RASGRF1: variants seen among roughly 807,000 people sequenced by gnomAD.
RASGRF1 encodes the protein ras-specific guanine nucleotide-releasing factor 1.
A neutral mutation model predicts 138.7 loss-of-function variants in RASGRF1; 40 were observed. That is an observed-to-expected ratio of 0.29 (90% CI 0.22 to 0.38). The LOEUF is 0.38. Among genes scored for constraint, RASGRF1 ranks in the 10% least tolerant of loss-of-function variants. The probability of loss-of-function intolerance (pLI) is 1.00; values close to 1 mark genes in which losing one functional copy is unlikely to be tolerated. For missense variants in RASGRF1, 1,108 were observed against 1,650.4 expected, an observed-to-expected ratio of 0.67 and a Z score of 5.69; for synonymous variants, 614 against 663.2, an observed-to-expected ratio of 0.93 and a Z score of 1.14.
At chr15:79,057,524 A>C (rs1294139462) in intron 3 of RASGRF1, among the ~76,000 whole-genome samples, 2 of 152,182 alleles carry the variant, frequency 1.3e-5, no homozygotes, top group African/African-American at 4.8e-5. Context: ...TGGTCCTTGT[A>C]TGATATGGCC....
chr15:79,006,453 T>C lies in RASGRF1; in HGVS notation c.1827-19A>G. On this transcript the variant is annotated intron_variant, in intron 13 of 26. Coordinates refer to ENST00000558480, the MANE Select transcript of RASGRF1 (RefSeq NM_001145648.3). This position sits in a 1 kb window ranked among gnomAD's most constrained non-coding sequence, Gnocchi z 4.0. ...GTCGGACCTGAGAGGGGAGGAAGGA[T>C]GCAGAGGTGATGTGGGTCTAAAGGC... is the stretch of plus-strand genomic sequence containing the variant. 2 of 1,603,952 alleles carry C rather than the reference T, an allele frequency of 1.2e-6. No individual in the cohort carries two copies. The highest frequency in any genetic ancestry group is 1.7e-6 in the Non-Finnish European group (2 of 1,176,886).
rs778241720 is a variant in RASGRF1 at position 78,999,917 on chromosome 15, C to T, written c.2576-4G>A. The T allele has an allele frequency of 6.2e-7, 1 of 1,613,404 alleles. No individual in the cohort carries two copies. The highest frequency in any genetic ancestry group is 8.5e-7 in the Non-Finnish European group (1 of 1,179,376). ...TTATAGGAAAAGAGTGGGAACTCTG[C>T]AGAGAGGAGGGAACCAACCCTCAGC... On this transcript the variant is annotated splice_region_variant and splice_polypyrimidine_tract_variant and intron_variant, in intron 16 of 26. Transcript: ENST00000558480.
intron 20 of RASGRF1, among the ~76,000 whole-genome samples, chr15:78,993,372 A>AGTGTGT (rs144031196): frequency 0.02 from 2,552 of 127,670 alleles, 25 homozygotes; most frequent in Middle Eastern, 0.027. Context: ...TGGTGTGTGT[A>AGTGTGT]GTGTGTGTGT....
At chr15:79,008,054 G>A (rs2056719989) in intron 13 of RASGRF1, among the ~76,000 whole-genome samples, 1 of 151,614 alleles carries the variant, frequency 6.6e-6, no homozygotes, top group Non-Finnish European at 1.5e-5. Flanking sequence ...TGTTGGCCAG[G>A]CTGGTCTCAA....
intron 16 of RASGRF1, 124 bp from the exon 17 acceptor site, chr15:79,000,037 A>T (rs993929901): frequency 2.5e-4 from 261 of 1,036,674 alleles, no homozygotes; most frequent in Non-Finnish European, 3.4e-4. Flanking sequence ...TCAGGGTACC[A>T]GGGCATGTCG....
intron 11 of RASGRF1, among the ~76,000 whole-genome samples, chr15:79,019,228 C>T (rs372299726): frequency 7.2e-5 from 11 of 152,244 alleles, no homozygotes; most frequent in African/African-American, 2.6e-4. Context: ...TGCTGGTGTC[C>T]CCACAGGGCA....
intron 24 of RASGRF1, among the ~76,000 whole-genome samples, chr15:78,977,936 C>T (rs547055635): frequency 6.6e-6 from 1 of 152,104 alleles, no homozygotes; most frequent in South Asian, 2.1e-4. Flanking sequence ...GGGAAGGTTC[C>T]GATTGCTGGG....
At chr15:78,979,516 TGGCGAGTAGCCAGTCA>T (rs1487976330) in intron 24 of RASGRF1, among the ~76,000 whole-genome samples, 4 of 152,214 alleles carry the variant, frequency 2.6e-5, no homozygotes, top group Non-Finnish European at 5.9e-5. Context: ...CTCCAAGGTC[TGGCGAGTAGCCAGTCA>T]GGCGAGGAGA....
intron 14 of RASGRF1, 115 bp from the exon 15 acceptor site, chr15:79,004,290 G>A (rs1015329087): frequency 1.2e-4 from 155 of 1,333,538 alleles, no homozygotes; most frequent in Non-Finnish European, 1.3e-4. Context: ...ATCATTCTTA[G>A]GATCCCTGAA....
intron 13 of RASGRF1, among the ~76,000 whole-genome samples, chr15:79,008,880 G>C (rs1423314912): frequency 6.6e-6 from 1 of 152,160 alleles, no homozygotes; most frequent in Non-Finnish European, 1.5e-5. Flanking sequence ...ATGCTTTGAG[G>C]ACAAAGCAGG....
chr15:79,015,944 G>A (rs1348748228), intron 12 of RASGRF1, among the ~76,000 whole-genome samples: 2 of 152,208 alleles, frequency 1.3e-5, no homozygotes, highest in Non-Finnish European at 2.9e-5. Flanking sequence ...ATGGGTGTGG[G>A]GCCCTGGAGA....
At chr15:78,967,524 G>C (rs1418269963) in intron 26 of RASGRF1, among the ~76,000 whole-genome samples, 8 of 152,228 alleles carry the variant, frequency 5.3e-5, no homozygotes, top group Non-Finnish European at 1.2e-4. Flanking sequence ...ACTCCAGCCT[G>C]GGTGACAGGG....
intron 1 of RASGRF1, among the ~76,000 whole-genome samples, chr15:79,079,790 T>C (rs1166956890): frequency 6.6e-6 from 1 of 152,176 alleles, no homozygotes; most frequent in Non-Finnish European, 1.5e-5. Flanking sequence ...GCATTACCAA[T>C]CCTAAAATTT....
chr15:78,995,717 G>GC, intron 20 of RASGRF1, 23 bp downstream of exon 20: 1 of 1,614,000 alleles, frequency 6.2e-7, no homozygotes, highest in Non-Finnish European at 8.5e-7. Flanking sequence ...GCCTTGGAAA[G>GC]CAAGAGGGCA....
chr15:78,984,882 G>T, intron 23 of RASGRF1, 125 bp downstream of exon 23: 1 of 1,018,020 alleles, frequency 9.8e-7, no homozygotes, highest in African/African-American at 1.6e-5. Context: ...GTTTTACCTG[G>T]GAGTGTTAGA....
chr15:79,032,516 G>A lies in RASGRF1; in HGVS notation c.959-200C>T, dbSNP rs1276947301. On this transcript the variant is annotated intron_variant, in intron 6 of 26. Coordinates refer to ENST00000558480, the MANE Select transcript of RASGRF1 (RefSeq NM_001145648.3). The surrounding 1 kb of genome is among the most constrained non-coding windows in gnomAD (Gnocchi z 4.5). ...CTAGTAGGTGGGCCCCCATCATTGG[G>A]ACCACATTAGAATCACAGACTCTTA... is the stretch of plus-strand genomic sequence containing the variant. 6.6e-6 allele frequency among the ~76,000 whole-genome samples: 1 copy of A among 152,178 alleles called. No homozygotes were observed. Among genetic ancestry groups the A allele is most frequent in the Non-Finnish European group, 1.5e-5 (1 of 68,028 alleles).
At chr15:78,990,385 G>A in intron 21 of RASGRF1, 112 bp from the exon 22 acceptor site, 1 of 717,840 alleles carries the variant, frequency 1.4e-6, no homozygotes, top group Non-Finnish European at 2.4e-6. Flanking sequence ...TCATTTCTGG[G>A]GGAACAACCT....
At chr15:79,085,477 C>T (rs2057967422) in intron 1 of RASGRF1, among the ~76,000 whole-genome samples, 1 of 152,238 alleles carries the variant, frequency 6.6e-6, no homozygotes, top group African/African-American at 2.4e-5. Flanking sequence ...GATGCTTTCA[C>T]AACATCCCAG....
At chr15:79,026,936 C>CA in intron 9 of RASGRF1, among the ~76,000 whole-genome samples, 1 of 152,214 alleles carries the variant, frequency 6.6e-6, no homozygotes, top group African/African-American at 2.4e-5. Flanking sequence ...GGGGCTGGGA[C>CA]AAAACTCCGA....
Sources: allele counts gnomAD v4.1 joint callset (sites outside exome capture counted in the v4.1 genomes callset), GRCh38; gene constraint gnomAD v4.1.1; non-coding constraint Gnocchi (gnomAD v3.1); transcripts MANE v1.5; gene names NCBI Gene and HGNC (gene_info 2026-07-23, HGNC 2026-07-21).